The following ELMO1 variants were observed in gnomAD, a reference collection of about 807,000 sequenced individuals.
ELMO1 encodes engulfment and cell motility protein 1.
ELMO1 carries 26 observed loss-of-function variants against 98.9 expected under a neutral mutation model. The observed-to-expected ratio is 0.26, with a 90% CI of 0.19 to 0.36. The LOEUF (loss-of-function observed/expected upper bound fraction) is 0.36, where lower values mean the gene tolerates loss of function less well. Among genes scored for constraint, ELMO1 ranks in the 10% least tolerant of loss-of-function variants. ELMO1 has a pLI of 1.00. For synonymous variants in ELMO1, 346 were observed against 346.0 expected (o/e 1.00, Z 0.00); for missense variants, 627 against 935.2 (o/e 0.67, Z 4.30).
At chr7:37,264,498 T>C (rs947539444) in intron 5 of ELMO1, among the ~76,000 whole-genome samples, 7 of 152,158 alleles carry the variant, frequency 4.6e-5, no homozygotes, top group African/African-American at 1.7e-4. Context: ...TTTGCACCAT[T>C]TTTATATTTG....
chr7:37,211,027 C>A, intron 13 of ELMO1: 2 of 195,072 alleles, frequency 1.0e-5, no homozygotes, highest in Non-Finnish European at 1.1e-5. Flanking sequence ...AAGTAATCAA[C>A]TCAATAACCC....
chr7:37,225,388 T>C (rs1316854698), intron 8 of ELMO1, among the ~76,000 whole-genome samples: 2 of 152,216 alleles, frequency 1.3e-5, no homozygotes, highest in Non-Finnish European at 2.9e-5. Context: ...TCTGGGATGG[T>C]AATGTCAACA....
intron 13 of ELMO1, among the ~76,000 whole-genome samples, chr7:37,152,952 G>A (rs537775937): frequency 6.6e-6 from 1 of 152,128 alleles, no homozygotes; most frequent in Non-Finnish European, 1.5e-5. Context: ...TCTCCAAGGG[G>A]TATCTGCCGG....
In ELMO1 at chr7:37,085,233, C is replaced by T. The variant is rs1429763691; in HGVS notation, c.1300+11386G>A. 2.0e-5 allele frequency among the ~76,000 whole-genome samples: 3 copies of T among 152,228 alleles called. No homozygotes were observed. The South Asian group carries it at 6.2e-4, about 32-fold the overall frequency. On this transcript the variant is annotated intron_variant, in intron 15 of 21. Coordinates refer to ENST00000310758, the MANE Select transcript of ELMO1 (RefSeq NM_014800.11). Reference sequence around the variant, plus strand: ...TTCTGTCCTCAAGCTGCTCCCCTAACTACTGCAGACTCCCTGAGGGAAAAA... The same window carrying T: ...TTCTGTCCTCAAGCTGCTCCCCTAATTACTGCAGACTCCCTGAGGGAAAAA...
intron 1 of ELMO1, among the ~76,000 whole-genome samples, chr7:37,401,514 TA>T (rs1437441374): frequency 6.6e-6 from 1 of 152,192 alleles, no homozygotes; most frequent in Middle Eastern, 3.2e-3. Flanking sequence ...GGGTAATTTA[TA>T]AAGGAAACAA....
intron 4 of ELMO1, among the ~76,000 whole-genome samples, chr7:37,292,083 G>A (rs1251653621): frequency 4.8e-5 from 6 of 125,588 alleles, no homozygotes; most frequent in East Asian, 2.0e-4. Flanking sequence ...CAGTACCTGC[G>A]ATTGCAGGCG....
At chr7:37,021,866 A>T (rs1361901976) in intron 15 of ELMO1, among the ~76,000 whole-genome samples, 5 of 152,178 alleles carry the variant, frequency 3.3e-5, no homozygotes, top group Admixed American at 1.3e-4. Flanking sequence ...TTTGGGACCA[A>T]ATATAAAGAC....
chr7:37,003,160 C>T (rs539871135), intron 16 of ELMO1, among the ~76,000 whole-genome samples: 16 of 152,266 alleles, frequency 1.1e-4, no homozygotes, highest in African/African-American at 2.9e-4. Flanking sequence ...AGAAGAAATT[C>T]GGTTTGGAAT....
At chr7:37,445,898 AC>A (rs1184186506) in intron 1 of ELMO1, among the ~76,000 whole-genome samples, 3 of 152,260 alleles carry the variant, frequency 2.0e-5, no homozygotes, top group Admixed American at 1.3e-4. Flanking sequence ...TCTTTAAAAG[AC>A]CTTCTCCAAG....
At chr7:37,393,997 C>T (rs1037122544) in intron 1 of ELMO1, 2 of 152,210 alleles carry the variant, frequency 1.3e-5, no homozygotes, top group African/African-American at 4.8e-5. Flanking sequence ...CCTACTCACA[C>T]AATTTTTCCA....
intron 13 of ELMO1, among the ~76,000 whole-genome samples, chr7:37,154,980 C>T (rs1349653235): frequency 1.3e-5 from 2 of 152,204 alleles, no homozygotes; most frequent in Non-Finnish European, 2.9e-5. Context: ...AGAAACCCTA[C>T]AAGCCAGAAG....
At chr7:36,975,140 T>C (rs1562870689) in intron 16 of ELMO1, among the ~76,000 whole-genome samples, 1 of 152,182 alleles carries the variant, frequency 6.6e-6, no homozygotes, top group Non-Finnish European at 1.5e-5. Flanking sequence ...TTAAAAACTA[T>C]ATGTATCGCT....
chr7:36,970,872 G>C (rs1196623049), intron 16 of ELMO1, among the ~76,000 whole-genome samples: 1 of 152,146 alleles, frequency 6.6e-6, no homozygotes, highest in Non-Finnish European at 1.5e-5. Flanking sequence ...GAAGAACATC[G>C]ACGCACAGGA....
chr7:37,188,206 T>C (rs1028450855), intron 13 of ELMO1, among the ~76,000 whole-genome samples: 4 of 151,994 alleles, frequency 2.6e-5, no homozygotes, highest in African/African-American at 9.7e-5. Flanking sequence ...TAGCTGAGGT[T>C]CAAAAAATAA....
intron 13 of ELMO1, among the ~76,000 whole-genome samples, chr7:37,171,523 C>T (rs565513919): frequency 8.7e-5 from 9 of 103,236 alleles, no homozygotes; most frequent in East Asian, 6.7e-4. Context: ...GACAGAGTCT[C>T]GCTCTGTCAC....
intron 15 of ELMO1, among the ~76,000 whole-genome samples, chr7:37,026,399 G>A (rs1383376929): frequency 6.6e-6 from 1 of 152,126 alleles, no homozygotes; most frequent in Non-Finnish European, 1.5e-5. Flanking sequence ...GGATAAATGT[G>A]AATTTAAGGA....
intron 1 of ELMO1, among the ~76,000 whole-genome samples, chr7:37,425,314 T>C (rs1562683966): frequency 6.6e-6 from 1 of 152,228 alleles, no homozygotes; most frequent in Non-Finnish European, 1.5e-5. Context: ...ATAAGGGCAC[T>C]AATGCCAGAG....
chr7:37,411,245 G>C (rs897851000), intron 1 of ELMO1, among the ~76,000 whole-genome samples: 2 of 152,190 alleles, frequency 1.3e-5, no homozygotes, highest in Admixed American at 6.5e-5. Context: ...CCACATCTTA[G>C]CAAACAAAGT....
intron 16 of ELMO1, among the ~76,000 whole-genome samples, chr7:36,919,885 G>A (rs779970437): frequency 2.3e-4 from 35 of 152,104 alleles, no homozygotes; most frequent in Non-Finnish European, 1.3e-4. Context: ...TTTAAGGAAC[G>A]AATCAATGCC....
Sources: allele counts gnomAD v4.1 joint callset (sites outside exome capture counted in the v4.1 genomes callset), GRCh38; gene constraint gnomAD v4.1.1; transcripts MANE v1.5; gene names NCBI Gene and HGNC (gene_info 2026-07-23, HGNC 2026-07-21).